Variants in SLC27A4 observed in about 807,000 individuals in gnomAD.
SLC27A4 encodes long-chain fatty acid transport protein 4.
A neutral mutation model predicts 64.4 loss-of-function variants in SLC27A4; 33 were observed. The ratio of observed to expected loss-of-function variants is 0.51; its 90% confidence interval spans 0.39 to 0.68. The LOEUF (loss-of-function observed/expected upper bound fraction) is 0.68, where lower values mean the gene tolerates loss of function less well. Ranked by LOEUF, SLC27A4 falls within the 30% of genes least tolerant of loss-of-function variation. The pLI, the probability that SLC27A4 is intolerant of heterozygous loss-of-function variation, is 0.00. For synonymous variants in SLC27A4, 377 were observed against 370.0 expected, an observed-to-expected ratio of 1.02 and a Z score of -0.22; for missense variants, 824 against 883.5, an observed-to-expected ratio of 0.93 and a Z score of 0.85.
At chr9:128,341,373 T>C (rs1254847793) in intron 1 of SLC27A4, among the ~76,000 whole-genome samples, 1 of 152,182 alleles carries the variant, frequency 6.6e-6, no homozygotes, top group Non-Finnish European at 1.5e-5. Flanking sequence ...GCTCCAGGAA[T>C]AGAACCCAAG....
Position 128,360,458 on chromosome 9 carries a change from C to A in SLC27A4, c.1899C>A (p.Tyr633Ter), listed in dbSNP as rs755175293. 1.9e-6 allele frequency: 3 copies of A among 1,614,074 alleles called. No individual in the cohort carries two copies. Among genetic ancestry groups the A allele is most frequent in the Non-Finnish European group, 1.7e-6 (2 of 1,180,042 alleles). Residue 633 changes from tyrosine (Y) to a stop codon, truncating the protein, a stop_gained, in exon 13 of 13, where the codon TAC (tyrosine) becomes TAA (stop). Transcript: ENST00000300456. LOFTEE classifies it high-confidence loss of function. Reference protein sequence around the residue: ...GRYVPLDQEAYSRIQAGEEKL With the variant: ...GRYVPLDQEA ...ACGTCCCGCTGGACCAAGAGGCCTA[C>A]AGCCGCATCCAGGCAGGCGAGGAGA...
chr9:128,351,304 G>A (rs1327199553), intron 6 of SLC27A4, among the ~76,000 whole-genome samples: 1 of 151,208 alleles, frequency 6.6e-6, no homozygotes, highest in Admixed American at 6.6e-5. Flanking sequence ...GCGTGTGCCT[G>A]TAATCCCAGC....
intron 2 of SLC27A4, among the ~76,000 whole-genome samples, chr9:128,344,934 T>C (rs1230148870): frequency 1.3e-5 from 2 of 152,134 alleles, no homozygotes; most frequent in African/African-American, 4.8e-5. Context: ...AGAGCCTTGA[T>C]TTCCTTCTGT....
intron 2 of SLC27A4, among the ~76,000 whole-genome samples, chr9:128,344,608 A>G (rs1324752610): frequency 2.6e-5 from 4 of 152,222 alleles, no homozygotes; most frequent in Non-Finnish European, 5.9e-5. Flanking sequence ...TGCCTGGCAC[A>G]GGACCCAGGG....
chr9:128,341,400 A>T (rs1321007670), intron 1 of SLC27A4, among the ~76,000 whole-genome samples: 4 of 152,212 alleles, frequency 2.6e-5, no homozygotes, highest in Non-Finnish European at 5.9e-5. Context: ...AGCTCAACCC[A>T]GCCCCTGAAG....
intron 3 of SLC27A4, among the ~76,000 whole-genome samples, chr9:128,346,213 T>C (rs1032509442): frequency 2.0e-5 from 3 of 147,878 alleles, no homozygotes; most frequent in Non-Finnish European, 3.0e-5. Flanking sequence ...CTAAAAAAAG[T>C]TTTTTGTTTT....
In SLC27A4 at chr9:128,348,715, C is replaced by T. The variant is rs1227293568; in HGVS notation, c.715+12C>T. ...CAAGGGCTTCACAGGTGGGCTCCAT[C>T]CCCTCCCCATAGAGGGGCTCTCACA... On this transcript the variant is annotated intron_variant, in intron 4 of 12. Coordinates refer to ENST00000300456, the MANE Select transcript of SLC27A4 (RefSeq NM_005094.4). 2 of 1,613,510 alleles carry T rather than the reference C, an allele frequency of 1.2e-6. No homozygotes were observed. Among genetic ancestry groups the T allele is most frequent in the African/African-American group, 1.3e-5 (1 of 75,058 alleles).
intron 7 of SLC27A4, 87 bp from the exon 8 acceptor site, chr9:128,352,938 G>C: frequency 1.6e-6 from 2 of 1,243,158 alleles, no homozygotes; most frequent in Non-Finnish European, 2.3e-6. Context: ...CAGCCCCTGG[G>C]GAGAGTAGGG....
rs528433086 is a variant in SLC27A4 at position 128,340,852 on chromosome 9, G to A, written c.-7+14G>A. ...AGCCGACGCCGGGTGAGCATAGACCGGGCTGGTGGGTTCCCGGGTGGGGAC... is the reference window on the plus strand; with the variant it reads ...AGCCGACGCCGGGTGAGCATAGACCAGGCTGGTGGGTTCCCGGGTGGGGAC... On this transcript the variant is annotated intron_variant, in intron 1 of 12. Transcript: ENST00000300456. 3.8e-5 allele frequency: 25 copies of A among 659,996 alleles called. No individual in the cohort carries two copies. The African/African-American group carries it at 4.5e-4, about 12-fold the overall frequency. The allele number at this position is 659,996 out of a possible 1,614,324, so 40.9% of individuals were successfully genotyped here. A position where few individuals can be genotyped will look rare whatever the true frequency, so the allele number is the denominator to read the frequency against.
rs1002862538 is a variant in SLC27A4 at position 128,360,641 on chromosome 9, A to G, written c.*150A>G. On this transcript the variant is annotated 3_prime_UTR_variant, in exon 13 of 13. Coordinates refer to ENST00000300456, the MANE Select transcript of SLC27A4 (RefSeq NM_005094.4). Reference sequence around the variant, plus strand: ...CCCCTCCATCCAAAACTGCCAAGTGACTCATTGCCTTCCCAACCCTTCCAG... The same window carrying G: ...CCCCTCCATCCAAAACTGCCAAGTGGCTCATTGCCTTCCCAACCCTTCCAG... 61 of 753,854 alleles carry G rather than the reference A, an allele frequency of 8.1e-5. No homozygotes were observed. Among genetic ancestry groups the G allele is most frequent in the Admixed American group, 1.7e-4 (7 of 40,028 alleles). The allele number at this position is 753,854 out of a possible 1,614,324, so 46.7% of individuals were successfully genotyped here.
chr9:128,360,769 G>C lies in SLC27A4; in HGVS notation c.*278G>C. On this transcript the variant is annotated 3_prime_UTR_variant, in exon 13 of 13. Coordinates refer to ENST00000300456, the MANE Select transcript of SLC27A4 (RefSeq NM_005094.4). Reference sequence around the variant, plus strand: ...ACGGGTTTTCTCAGGATGATGTCTTGGGTGAGGGTAGGGAGAGGACAAGGG... The same window carrying C: ...ACGGGTTTTCTCAGGATGATGTCTTCGGTGAGGGTAGGGAGAGGACAAGGG... 2.1e-6 allele frequency: 1 copy of C among 478,616 alleles called. No homozygotes were observed. The highest frequency in any genetic ancestry group is 3.9e-6 in the Non-Finnish European group (1 of 259,374). 29.6% of individuals were successfully genotyped at this position (478,616 alleles called of 1,614,324 possible). A position where few individuals can be genotyped will look rare whatever the true frequency, so the allele number is the denominator to read the frequency against.
chr9:128,360,583 A>G lies in SLC27A4; in HGVS notation c.*92A>G. ...TCCTGGACAAGGCCAGACCAAAGCA[A>G]GCAGGGCCTGGCACCTCCATCCTGA... is the stretch of plus-strand genomic sequence containing the variant. On this transcript the variant is annotated 3_prime_UTR_variant, in exon 13 of 13. Transcript: ENST00000300456. 1.4e-6 allele frequency: 2 copies of G among 1,414,412 alleles called. No individual in the cohort carries two copies. The highest frequency in any genetic ancestry group is 2.0e-6 in the Non-Finnish European group (2 of 1,014,356). 87.6% of individuals were successfully genotyped at this position (1,414,412 alleles called of 1,614,324 possible).
In SLC27A4 at chr9:128,343,183, G is replaced by T; in HGVS notation, c.51G>T (p.Val17=). ...GGGTGCTGCTGTTCTCCAAGCTGGT[G>T]CTGAAACTGCCCTGGACCCAGGTGG... ...LVGVLLFSKL[V]LKLPWTQVGF... Residue 17 remains valine (V), a synonymous_variant, in exon 2 of 13, where the codon GTG becomes GTT. Coordinates refer to ENST00000300456, the MANE Select transcript of SLC27A4 (RefSeq NM_005094.4). 6.2e-7 allele frequency: 1 copy of T among 1,614,128 alleles called. No homozygotes were observed. The highest frequency in any genetic ancestry group is 8.5e-7 in the Non-Finnish European group (1 of 1,180,010).
chr9:128,361,469 C>T lies in SLC27A4; in HGVS notation c.*978C>T, dbSNP rs1468803306. 2 of 152,262 alleles carry T rather than the reference C, an allele frequency of 1.3e-5. No homozygotes were observed. 9.4% of individuals were successfully genotyped at this position (152,262 alleles called of 1,614,324 possible). On this transcript the variant is annotated 3_prime_UTR_variant, in exon 13 of 13. Transcript: ENST00000300456. The stretch of plus-strand genomic sequence containing the variant: ...ACAGTGTGGGCTTGAAAGTCCAAAC[C>T]AGCTCTGTCACTCTAAGTGTGTGGC...
intron 2 of SLC27A4, among the ~76,000 whole-genome samples, chr9:128,344,584 T>C (rs1325188605): frequency 6.6e-6 from 1 of 151,886 alleles, no homozygotes; most frequent in Non-Finnish European, 1.5e-5. Flanking sequence ...CACAAACTTA[T>C]TGAACATCTA....
chr9:128,347,481 C>CTT (rs1371626755), intron 3 of SLC27A4, among the ~76,000 whole-genome samples: 1 of 151,896 alleles, frequency 6.6e-6, no homozygotes, highest in Non-Finnish European at 1.5e-5. Context: ...AATCCCAGCA[C>CTT]TTTTGGAGGC....
intron 12 of SLC27A4, among the ~76,000 whole-genome samples, chr9:128,356,275 T>C (rs144213212): frequency 0.042 from 6,319 of 152,250 alleles, 192 homozygotes; most frequent in Non-Finnish European, 0.066. Context: ...GGAAGGACTT[T>C]ATGGCGGTGG....
chr9:128,360,511 G>A lies in SLC27A4; in HGVS notation c.*20G>A. 6.2e-7 allele frequency: 1 copy of A among 1,612,860 alleles called. No homozygotes were observed. The highest frequency in any genetic ancestry group is 8.5e-7 in the Non-Finnish European group (1 of 1,179,820). ...CTGTGATTCCCCCCATCCCTCTGAGGGCCGGCGGATGCTGGATCCGGAGCC... is the reference window on the plus strand; with the variant it reads ...CTGTGATTCCCCCCATCCCTCTGAGAGCCGGCGGATGCTGGATCCGGAGCC... On this transcript the variant is annotated 3_prime_UTR_variant, in exon 13 of 13. Coordinates refer to ENST00000300456, the MANE Select transcript of SLC27A4 (RefSeq NM_005094.4).
Position 128,360,392 on chromosome 9 carries a change from G to A in SLC27A4, c.1833G>A (p.Val611=), listed in dbSNP as rs1564405108. 4.3e-6 allele frequency: 7 copies of A among 1,614,038 alleles called. No homozygotes were observed. The highest frequency in any genetic ancestry group is 3.3e-5 in the Admixed American group (2 of 59,992). The change falls in exon 13 of 13, where the codon GTG becomes GTA. Residue 611 remains valine, a synonymous_variant. Transcript: ENST00000300456. ...LRKEGFDPAI[V]KDPLFYLDAQ... ...AGGAGGGCTTTGACCCGGCTATTGTGAAAGACCCGCTGTTCTATCTAGATG... is the reference window on the plus strand; with the variant it reads ...AGGAGGGCTTTGACCCGGCTATTGTAAAAGACCCGCTGTTCTATCTAGATG...
Sources: gnomAD v4.1 joint callset for allele counts (sites outside exome capture counted in the v4.1 genomes callset) on GRCh38, gnomAD v4.1.1 for gene constraint, MANE v1.5 for transcripts, NCBI Gene and HGNC (gene_info 2026-07-23, HGNC 2026-07-21) for gene names.